Variants in SRGAP2 observed in about 807,000 individuals in gnomAD.
The protein encoded by SRGAP2 is SLIT-ROBO Rho GTPase-activating protein 2.
In SRGAP2, 15 loss-of-function variants were observed where a neutral mutation model predicts 57.2. The observed-to-expected ratio is 0.26, with a 90% confidence interval of 0.18 to 0.40. The LOEUF (loss-of-function observed/expected upper bound fraction) is 0.40. Ranked by LOEUF, SRGAP2 falls within the 10% of genes least tolerant of loss-of-function variation. SRGAP2 has a pLI of 1.00. For synonymous variants in SRGAP2, 249 were observed against 248.0 expected (o/e 1.00, Z -0.04); for missense variants, 520 against 669.6 (o/e 0.78, Z 2.47).
chr1:206,447,235 C>T (rs782215012), intron 18 of SRGAP2, among the ~76,000 whole-genome samples: 37 of 152,258 alleles, frequency 2.4e-4, no homozygotes, highest in Non-Finnish European at 2.8e-4. Flanking sequence ...GAGCTGAAAG[C>T]ACAAGCCAGC....
intron 2 of SRGAP2, among the ~76,000 whole-genome samples, chr1:206,284,257 C>G (rs1224731908): frequency 6.8e-6 from 1 of 146,852 alleles, no homozygotes; most frequent in Non-Finnish European, 1.5e-5. Flanking sequence ...ATGGTTATCT[C>G]TATATCTTAT....
intron 10 of SRGAP2, among the ~76,000 whole-genome samples, chr1:206,414,986 G>A (rs1296289627): frequency 1.3e-5 from 2 of 152,212 alleles, no homozygotes; most frequent in Non-Finnish European, 2.9e-5. Flanking sequence ...AGCACATGCT[G>A]TATTGTCAAA....
At chr1:206,254,179 G>GTTTT (rs373417477) in intron 2 of SRGAP2, among the ~76,000 whole-genome samples, 1 of 47,128 alleles carries the variant, frequency 2.1e-5, no homozygotes, top group Non-Finnish European at 3.7e-5. Flanking sequence ...TGCTTTTTCT[G>GTTTT]TTTTTTTTTT....
chr1:206,210,545 C>G (rs1666254695), intron 2 of SRGAP2, among the ~76,000 whole-genome samples: 1 of 146,576 alleles, frequency 6.8e-6, no homozygotes, highest in African/African-American at 2.6e-5. Context: ...ACAGTTTAAC[C>G]CTTTCAGGAC....
At chr1:206,371,725 C>T (rs1421577391) in intron 4 of SRGAP2, among the ~76,000 whole-genome samples, 11 of 109,778 alleles carry the variant, frequency 1.0e-4, no homozygotes, top group African/African-American at 4.7e-4. Context: ...AGTGAGACTC[C>T]GTCTCCAAAA....
chr1:206,267,912 C>T (rs1553315033), intron 2 of SRGAP2, among the ~76,000 whole-genome samples: 1 of 150,912 alleles, frequency 6.6e-6, no homozygotes, highest in East Asian at 1.9e-4. Flanking sequence ...AAAAGGAATC[C>T]AGAAAAAAAT....
chr1:206,329,713 G>A (rs76738555), intron 3 of SRGAP2, among the ~76,000 whole-genome samples: 15 of 144,126 alleles, frequency 1.0e-4, no homozygotes, highest in African/African-American at 3.1e-4. Context: ...GGGCTGAGAC[G>A]AAGGGGTTTT....
At chr1:206,430,084 C>T (rs1011556325) in intron 13 of SRGAP2, 78 bp from the exon 14 acceptor site, 64 of 773,386 alleles carry the variant, frequency 8.3e-5, no homozygotes, top group Admixed American at 6.8e-4. Context: ...CAGTTCTGCA[C>T]GGTTTGGCCC....
At chr1:206,416,853 A>G (rs1659754881) in intron 11 of SRGAP2, among the ~76,000 whole-genome samples, 1 of 152,126 alleles carries the variant, frequency 6.6e-6, no homozygotes, top group Non-Finnish European at 1.5e-5. Flanking sequence ...ATGTGCTAAC[A>G]TCAGTTACAG....
At chr1:206,431,072 G>A (rs1661242235) in intron 14 of SRGAP2, among the ~76,000 whole-genome samples, 1 of 152,168 alleles carries the variant, frequency 6.6e-6, no homozygotes, top group Non-Finnish European at 1.5e-5. Flanking sequence ...TTCAGAGGCA[G>A]CTATTCTCTC....
chr1:206,244,870 C>G (rs1208067972), intron 2 of SRGAP2, among the ~76,000 whole-genome samples: 1 of 151,332 alleles, frequency 6.6e-6, no homozygotes, highest in African/African-American at 2.4e-5. Context: ...CACCACCTCT[C>G]CTGATTTGAT....
chr1:206,304,102 T>C (rs1398472724), intron 3 of SRGAP2, among the ~76,000 whole-genome samples: 2 of 152,092 alleles, frequency 1.3e-5, no homozygotes, highest in African/African-American at 2.4e-5. Flanking sequence ...CTTCTACATT[T>C]AGTTTATTTT....
chr1:206,266,245 C>CT (rs1212555147), intron 2 of SRGAP2, among the ~76,000 whole-genome samples: 145 of 142,000 alleles, frequency 1.0e-3, no homozygotes, highest in African/African-American at 2.7e-3. Context: ...CTCTATGTTT[C>CT]TTTTTTTTTT....
At chr1:206,441,230 G>A (rs1195236287) in intron 17 of SRGAP2, among the ~76,000 whole-genome samples, 1 of 152,188 alleles carries the variant, frequency 6.6e-6, no homozygotes, top group Non-Finnish European at 1.5e-5. Flanking sequence ...TCCAAGTGGA[G>A]ATTTTGAACA....
At chr1:206,303,918 A>T (rs1165451000) in intron 3 of SRGAP2, among the ~76,000 whole-genome samples, 9 of 140,618 alleles carry the variant, frequency 6.4e-5, no homozygotes, top group African/African-American at 1.2e-4. Flanking sequence ...ACACACACAC[A>T]CTCACACTCA....
At chr1:206,236,308 C>G (rs1267700859) in intron 2 of SRGAP2, among the ~76,000 whole-genome samples, 1 of 152,096 alleles carries the variant, frequency 6.6e-6, no homozygotes, top group Non-Finnish European at 1.5e-5. Context: ...GCATTCTAGG[C>G]GAATAAACCG....
chr1:206,260,819 G>T (rs1271553598), intron 2 of SRGAP2, among the ~76,000 whole-genome samples: 4 of 152,192 alleles, frequency 2.6e-5, no homozygotes, highest in African/African-American at 9.7e-5. Flanking sequence ...TTAAAGGGTC[G>T]CACAGCAGTG....
chr1:206,381,334 G>GGCTGGCAGGGGGAAACT (rs2103056236), intron 4 of SRGAP2, among the ~76,000 whole-genome samples: 1 of 138,112 alleles, frequency 7.2e-6, no homozygotes, highest in East Asian at 2.2e-4. Context: ...GTTAAGAAAC[G>GGCTGGCAGGGGGAAACT]ATAGGCTGGC....
At chr1:206,275,960 C>T (rs1293351864) in intron 2 of SRGAP2, among the ~76,000 whole-genome samples, 11 of 144,574 alleles carry the variant, frequency 7.6e-5, no homozygotes, top group Middle Eastern at 3.6e-3. Context: ...TAGCTCTTGG[C>T]GCTTGACTTC....
Sources: gnomAD v4.1 joint callset for allele counts (sites outside exome capture counted in the v4.1 genomes callset) on GRCh38, gnomAD v4.1.1 for gene constraint, MANE v1.5 for transcripts, NCBI Gene and HGNC (gene_info 2026-07-23, HGNC 2026-07-21) for gene names.